CSMD1: variants seen among roughly 807,000 people sequenced by gnomAD.
CSMD1 encodes the protein CUB and sushi domain-containing protein 1.
A neutral mutation model predicts 417.5 loss-of-function variants in CSMD1; 213 were observed. That is an observed-to-expected ratio of 0.51 (90% CI 0.46 to 0.57). The LOEUF (loss-of-function observed/expected upper bound fraction) is 0.57, where lower values mean the gene tolerates loss of function less well. Among genes scored for constraint, CSMD1 ranks in the 20% least tolerant of loss-of-function variants. The probability of loss-of-function intolerance (pLI) is 0.00; values close to 1 mark genes in which losing one functional copy is unlikely to be tolerated. For synonymous variants in CSMD1, 2,862 were observed against 1,736.8 expected, an observed-to-expected ratio of 1.65 and a Z score of -16.11; for missense variants, 6,923 against 4,529.7, an observed-to-expected ratio of 1.53 and a Z score of -15.17.
chr8:3,411,060 G>A (rs965902022), intron 12 of CSMD1, among the ~76,000 whole-genome samples: 2 of 152,138 alleles, frequency 1.3e-5, no homozygotes, highest in Admixed American at 6.5e-5. Context: ...GCAGAAGGGA[G>A]GCCCTGCCTG....
At chr8:4,082,175 C>T (rs973287551) in intron 3 of CSMD1, among the ~76,000 whole-genome samples, 11 of 152,038 alleles carry the variant, frequency 7.2e-5, no homozygotes, top group African/African-American at 2.4e-4. Flanking sequence ...CATTAAAGAG[C>T]GTACAAGATA....
chr8:4,945,524 GA>G (rs34004775), intron 1 of CSMD1, among the ~76,000 whole-genome samples: 36,381 of 141,246 alleles, frequency 0.26, 4,856 homozygotes, highest in East Asian at 0.58. Flanking sequence ...GGAAGGACAT[GA>G]AAAAAAAAAA....
chr8:4,053,782 G>A lies in CSMD1; in HGVS notation c.416-21683C>T, dbSNP rs559627661. On this transcript the variant is annotated intron_variant, in intron 3 of 69. Transcript: ENST00000635120. Reference sequence around the variant, plus strand: ...ATGGCATTTGGGGGCTTAGATTAGAGAATAAACCAGTATGTTTAAATGCCT... The same window carrying A: ...ATGGCATTTGGGGGCTTAGATTAGAAAATAAACCAGTATGTTTAAATGCCT... Among the ~76,000 whole-genome samples, 3 of 152,226 alleles carry A rather than the reference G, an allele frequency of 2.0e-5. No homozygotes were observed. The South Asian group carries it at 6.2e-4, about 32-fold the overall frequency.
At chr8:3,064,495 T>A (rs1233801796) in intron 49 of CSMD1, among the ~76,000 whole-genome samples, 2 of 152,154 alleles carry the variant, frequency 1.3e-5, no homozygotes, top group Non-Finnish European at 2.9e-5. Context: ...GAACTGTGAG[T>A]CAATTAGGCC....
In CSMD1 at chr8:3,753,977, G is replaced by A. The variant is rs371950532; in HGVS notation, c.884C>T (p.Thr295Ile). 1.2e-6 allele frequency: 2 copies of A among 1,613,136 alleles called. No homozygotes were observed. The highest frequency in any genetic ancestry group is 1.1e-5 in the South Asian group (1 of 91,058). ...SSKNWLRLHF[T>I]SDSNHRRKGF... Reference sequence around the variant, plus strand: ...TTTGCGTCGGTGGTTGCTGTCAGAGGTGAAATGGAGTCGTAGCCAATTCTT... The same window carrying A: ...TTTGCGTCGGTGGTTGCTGTCAGAGATGAAATGGAGTCGTAGCCAATTCTT... The change falls in exon 6 of 70, where the codon ACC (threonine) becomes ATC (isoleucine). Residue 295 changes from threonine to isoleucine, a missense_variant. Coordinates refer to ENST00000635120, the MANE Select transcript of CSMD1 (RefSeq NM_033225.6).
In CSMD1 at chr8:4,236,039, G is replaced by GT. The variant is rs869245155; in HGVS notation, c.415+183913dup. On this transcript the variant is annotated intron_variant, in intron 3 of 69. Coordinates refer to ENST00000635120, the MANE Select transcript of CSMD1 (RefSeq NM_033225.6). ...TTAATGGATATTGTTTTTTTTGTTT[G>GT]TTTTTTTTTTTTTTTTTTTTTTTTT... Among the ~76,000 whole-genome samples, 148 of 31,664 alleles carry GT rather than the reference G, an allele frequency of 4.7e-3. 2 individuals carry two copies. The highest frequency in any genetic ancestry group is 9.3e-3 in the African/African-American group (135 of 14,520). 20.8% of individuals were successfully genotyped at this position (31,664 alleles called of 152,430 possible). A position where few individuals can be genotyped will look rare whatever the true frequency, so the allele number is the denominator to read the frequency against.
At chr8:4,483,955 T>C (rs928079343) in intron 2 of CSMD1, among the ~76,000 whole-genome samples, 2 of 152,184 alleles carry the variant, frequency 1.3e-5, no homozygotes, top group African/African-American at 4.8e-5. Flanking sequence ...TTGTCTCTCA[T>C]TGACAGTCCT....
chr8:4,811,902 T>C (rs1445612142), intron 1 of CSMD1, among the ~76,000 whole-genome samples: 3 of 152,146 alleles, frequency 2.0e-5, no homozygotes, highest in African/African-American at 7.2e-5. Flanking sequence ...CCTAATGAAT[T>C]GACTGTTTCT....
chr8:4,062,794 T>C (rs1219010172), intron 3 of CSMD1, among the ~76,000 whole-genome samples: 4 of 151,928 alleles, frequency 2.6e-5, no homozygotes, highest in Admixed American at 2.6e-4. Flanking sequence ...AAACCCAGTA[T>C]CTGTCAGCAT....
At chr8:3,616,682 T>G (rs946446209) in intron 8 of CSMD1, 28 bp downstream of exon 8, 1 of 1,409,322 alleles carries the variant, frequency 7.1e-7, no homozygotes, top group African/African-American at 1.4e-5. Flanking sequence ...AATAACATGC[T>G]TTTTTCCACC....
At chr8:3,458,679 C>T (rs948760990) in intron 12 of CSMD1, among the ~76,000 whole-genome samples, 1 of 152,188 alleles carries the variant, frequency 6.6e-6, no homozygotes, top group African/African-American at 2.4e-5. Context: ...ACAATGAACA[C>T]ATATAATCTA....
chr8:2,943,563 A>C (rs1433181845), intron 68 of CSMD1, among the ~76,000 whole-genome samples: 4 of 152,200 alleles, frequency 2.6e-5, no homozygotes, highest in Non-Finnish European at 5.9e-5. Flanking sequence ...AAGGAAGGCA[A>C]ATGTGAATAC....
At chr8:3,485,968 C>G (rs746579613) in intron 11 of CSMD1, among the ~76,000 whole-genome samples, 3 of 152,020 alleles carry the variant, frequency 2.0e-5, no homozygotes, top group Non-Finnish European at 2.9e-5. Context: ...GTATTAACAC[C>G]AGGGGTTCAA....
In CSMD1 at chr8:4,298,469, G is replaced by T. The variant is rs79579356; in HGVS notation, c.415+121484C>A. Among the ~76,000 whole-genome samples, 97 of 152,144 alleles carry T rather than the reference G, an allele frequency of 6.4e-4. 1 individual carries two copies. The East Asian group carries it at 0.017, about 27-fold the overall frequency. On this transcript the variant is annotated intron_variant, in intron 3 of 69. Transcript: ENST00000635120. ...CCCTATACAGGAAATTACTTAGTGA[G>T]TACAATGTATATTATTTGAGTAATG...
At chr8:3,373,544 T>A (rs959063690) in intron 18 of CSMD1, 1 of 152,178 alleles carries the variant, frequency 6.6e-6, no homozygotes, top group South Asian at 2.1e-4. Context: ...TCACCTAAAA[T>A]TGAAGTGAGG....
intron 9 of CSMD1, among the ~76,000 whole-genome samples, chr8:3,578,572 G>A (rs1800249761): frequency 6.6e-6 from 1 of 152,148 alleles, no homozygotes; most frequent in Non-Finnish European, 1.5e-5. Context: ...GATGTTCTGG[G>A]AGGTCACGAA....
intron 7 of CSMD1, among the ~76,000 whole-genome samples, chr8:3,686,845 T>A (rs1799968312): frequency 6.6e-6 from 1 of 152,342 alleles, no homozygotes; most frequent in African/African-American, 2.4e-5. Flanking sequence ...TTGCATTAAA[T>A]AAACCTGCAT....
rs1386727840 is a variant in CSMD1 at position 4,398,522 on chromosome 8, T to G, written c.415+21431A>C. On this transcript the variant is annotated intron_variant, in intron 3 of 69. Transcript: ENST00000635120. ...ATTCTCCTAGCCTCAGCCTCCCGAG[T>G]AGGTGGGACTACAGGCGCCCGCCAC... Among the ~76,000 whole-genome samples, 3 of 150,952 alleles carry G rather than the reference T, an allele frequency of 2.0e-5. No individual in the cohort carries two copies. The East Asian group carries it at 5.9e-4, about 30-fold the overall frequency.
At chr8:4,390,300 C>A (rs972418807) in intron 3 of CSMD1, among the ~76,000 whole-genome samples, 1 of 152,112 alleles carries the variant, frequency 6.6e-6, no homozygotes, top group African/African-American at 2.4e-5. Flanking sequence ...ATCAAGTTAT[C>A]TCTTATTGAA....
Sources: gnomAD v4.1 joint callset for allele counts (sites outside exome capture counted in the v4.1 genomes callset) on GRCh38, gnomAD v4.1.1 for gene constraint, MANE v1.5 for transcripts, NCBI Gene and HGNC (gene_info 2026-07-23, HGNC 2026-07-21) for gene names.